The following SLC4A7 variants were observed in gnomAD, a reference collection of about 807,000 sequenced individuals.
The protein encoded by SLC4A7 is sodium bicarbonate cotransporter 3.
In SLC4A7, 51 loss-of-function variants were observed where a neutral mutation model predicts 137.6. That is an observed-to-expected ratio of 0.37 (90% CI 0.30 to 0.47). The LOEUF (loss-of-function observed/expected upper bound fraction) is 0.47. SLC4A7 is among the 20% of genes least tolerant of loss of function. The probability of loss-of-function intolerance (pLI) is 1.00; values close to 1 mark genes in which losing one functional copy is unlikely to be tolerated. For missense variants in SLC4A7, 1,247 were observed against 1,525.4 expected, an observed-to-expected ratio of 0.82 and a Z score of 3.04; for synonymous variants, 542 against 518.6, an observed-to-expected ratio of 1.05 and a Z score of -0.61.
At chr3:27,483,876 G>A (rs2059828418) in intron 1 of SLC4A7, among the ~76,000 whole-genome samples, 191 bp downstream of exon 1, 2 of 150,904 alleles carry the variant, frequency 1.3e-5, no homozygotes, top group Non-Finnish European at 3.0e-5. Context: ...GCAGCCGCTG[G>A]CCCCCTCCCA....
At chr3:27,449,400 T>C (rs985015792) in intron 2 of SLC4A7, among the ~76,000 whole-genome samples, 3 of 149,568 alleles carry the variant, frequency 2.0e-5, no homozygotes, top group African/African-American at 7.3e-5. Context: ...ATAAATATAA[T>C]GTATAAATAT....
chr3:27,418,422 A>G, intron 11 of SLC4A7, 64 bp downstream of exon 11: 1 of 1,373,530 alleles, frequency 7.3e-7, no homozygotes, highest in Non-Finnish European at 1.0e-6. Context: ...TTTGAATCAC[A>G]CCTAATCAAA....
intron 1 of SLC4A7, among the ~76,000 whole-genome samples, chr3:27,471,453 G>T (rs74279676): frequency 6.6e-6 from 1 of 152,024 alleles, no homozygotes; most frequent in Non-Finnish European, 1.5e-5. Flanking sequence ...TGCTCAGGCT[G>T]GAGTGCAATG....
intron 1 of SLC4A7, among the ~76,000 whole-genome samples, chr3:27,479,063 C>A (rs545320336): frequency 6.6e-6 from 1 of 151,710 alleles, no homozygotes. Context: ...GGCATATCAG[C>A]GCCAGATAAA....
chr3:27,426,928 T>C (rs1345404361), intron 7 of SLC4A7, among the ~76,000 whole-genome samples: 2 of 152,348 alleles, frequency 1.3e-5, no homozygotes, highest in Middle Eastern at 3.4e-3. Flanking sequence ...AGAAGGACTA[T>C]ATTACTTTGC....
intron 1 of SLC4A7, among the ~76,000 whole-genome samples, chr3:27,458,489 C>T (rs957026738): frequency 5.8e-4 from 88 of 152,276 alleles, no homozygotes; most frequent in African/African-American, 2.0e-3. Context: ...TCTCCAAGAA[C>T]AGAAATCCCA....
At position 27,484,297 on chromosome 3, in the gene SLC4A7, G is replaced by C; in HGVS notation, c.-171C>G. On this transcript the variant is annotated 5_prime_UTR_variant, in exon 1 of 26. Coordinates refer to ENST00000454389, the MANE Select transcript of SLC4A7 (RefSeq NM_001321103.2). ...GGAGAGCCGGGCGCCGGGCGCGGGA[G>C]ACGCGGGGCGTGCGTGTGCGCGCTG... The C allele has an allele frequency of 2.5e-6, 1 of 407,382 alleles. No individual in the cohort carries two copies. The highest frequency in any genetic ancestry group is 4.1e-6 in the Non-Finnish European group (1 of 246,568). The allele number at this position is 407,382 out of a possible 1,614,324, so 25.2% of individuals were successfully genotyped here. A position where few individuals can be genotyped will look rare whatever the true frequency, so the allele number is the denominator to read the frequency against.
At chr3:27,444,060 G>A (rs2057415070) in intron 3 of SLC4A7, among the ~76,000 whole-genome samples, 1 of 152,172 alleles carries the variant, frequency 6.6e-6, no homozygotes, top group Non-Finnish European at 1.5e-5. Context: ...CTTGGGTGAA[G>A]TGTTTTATAA....
intron 1 of SLC4A7, among the ~76,000 whole-genome samples, chr3:27,455,418 G>A (rs1224234596): frequency 6.6e-6 from 1 of 152,084 alleles, no homozygotes; most frequent in Non-Finnish European, 1.5e-5. Context: ...AAAAAGCCGG[G>A]GAAAAGGCTT....
chr3:27,484,219 CGG>C lies in SLC4A7; in HGVS notation c.-95_-94del. 9.2e-7 allele frequency: 1 copy of C among 1,086,832 alleles called. No individual in the cohort carries two copies. The allele number at this position is 1,086,832 out of a possible 1,614,324, so 67.3% of individuals were successfully genotyped here. A position where few individuals can be genotyped will look rare whatever the true frequency, so the allele number is the denominator to read the frequency against. On this transcript the variant is annotated 5_prime_UTR_variant, in exon 1 of 26. Transcript: ENST00000454389. The stretch of plus-strand genomic sequence containing the variant: ...GCCCCTGCCGCCGCCGCCGAGCCCC[CGG>C]CGCGCGAGGACAAACGTGGGTGCGT...
intron 3 of SLC4A7, among the ~76,000 whole-genome samples, chr3:27,441,546 G>T (rs1302653971): frequency 6.6e-6 from 1 of 152,108 alleles, no homozygotes; most frequent in Middle Eastern, 3.4e-3. Context: ...GGCTGGAAGT[G>T]TAGTCACACA....
intron 3 of SLC4A7, among the ~76,000 whole-genome samples, chr3:27,443,524 T>C (rs1361492974): frequency 2.0e-5 from 3 of 152,134 alleles, no homozygotes; most frequent in African/African-American, 7.2e-5. Context: ...TTATTCATTC[T>C]CCTGGAATTT....
chr3:27,433,838 CA>C (rs2056516514), intron 6 of SLC4A7, 77 bp downstream of exon 6: 1 of 1,259,452 alleles, frequency 7.9e-7, no homozygotes, highest in Non-Finnish European at 1.2e-6. Flanking sequence ...TAAATATCCC[CA>C]AATGTTAATC....
chr3:27,398,044 T>C lies in SLC4A7; in HGVS notation c.2589+148A>G, dbSNP rs181205648. On this transcript the variant is annotated intron_variant, in intron 17 of 25. Transcript: ENST00000454389. Reference sequence around the variant, plus strand: ...CTACTGTGAGCTCAGGCACGTAATATACATTTTTCACTACGAATAATTTCT... The same window carrying C: ...CTACTGTGAGCTCAGGCACGTAATACACATTTTTCACTACGAATAATTTCT... 1.5e-4 allele frequency: 96 copies of C among 660,314 alleles called. No individual in the cohort carries two copies. The Middle Eastern group carries it at 1.7e-3, about 12-fold the overall frequency. The allele number at this position is 660,314 out of a possible 1,614,324, so 40.9% of individuals were successfully genotyped here.
At chr3:27,429,787 T>A (rs1234107297) in intron 7 of SLC4A7, among the ~76,000 whole-genome samples, 1 of 151,770 alleles carries the variant, frequency 6.6e-6, no homozygotes, top group Non-Finnish European at 1.5e-5. Context: ...GAGGCGAGGC[T>A]GCAGTGAACC....
At chr3:27,398,404 A>G (rs1336110939) in intron 16 of SLC4A7, 51 bp from the exon 17 acceptor site, 2 of 1,468,118 alleles carry the variant, frequency 1.4e-6, no homozygotes, top group African/African-American at 2.8e-5. Flanking sequence ...TACGTATTCA[A>G]TAAATTATTA....
At chr3:27,448,027 C>T (rs1405485209) in intron 3 of SLC4A7, among the ~76,000 whole-genome samples, 1 of 151,774 alleles carries the variant, frequency 6.6e-6, no homozygotes, top group Non-Finnish European at 1.5e-5. Context: ...GCCTGGCCAA[C>T]ATAGTGAAAC....
chr3:27,446,437 A>G (rs2057644585), intron 3 of SLC4A7, among the ~76,000 whole-genome samples: 1 of 152,140 alleles, frequency 6.6e-6, no homozygotes, highest in African/African-American at 2.4e-5. Context: ...ATTCCTTTGA[A>G]AAGTCAAATA....
intron 20 of SLC4A7, 55 bp from the exon 21 acceptor site, chr3:27,391,863 T>C: frequency 3.0e-6 from 3 of 1,010,512 alleles, no homozygotes. Context: ...AACAAAAACA[T>C]AATCAGTGAG....
Sources: gnomAD v4.1 joint callset for allele counts (sites outside exome capture counted in the v4.1 genomes callset) on GRCh38, gnomAD v4.1.1 for gene constraint, MANE v1.5 for transcripts, NCBI Gene and HGNC (gene_info 2026-07-23, HGNC 2026-07-21) for gene names.